GALNTL6: variants seen among roughly 807,000 people sequenced by gnomAD.
The protein encoded by GALNTL6 is polypeptide N-acetylgalactosaminyltransferase-like 6.
A neutral mutation model predicts 73.7 loss-of-function variants in GALNTL6; 46 were observed. The ratio of observed to expected loss-of-function variants is 0.62; its 90% confidence interval spans 0.49 to 0.80. The LOEUF is 0.80. Among genes scored for constraint, GALNTL6 ranks in the 30% least tolerant of loss-of-function variants. GALNTL6 has a pLI of 0.00. For synonymous variants in GALNTL6, 259 were observed against 263.7 expected (o/e 0.98, Z 0.17); for missense variants, 604 against 755.0 (o/e 0.80, Z 2.34).
intron 10 of GALNTL6, among the ~76,000 whole-genome samples, chr4:172,972,918 G>A (rs1750647463): frequency 1.3e-5 from 2 of 152,158 alleles, no homozygotes; most frequent in African/African-American, 4.8e-5. Flanking sequence ...AAAAGTCACT[G>A]GGCACCAATG....
chr4:172,200,053 T>G (rs1343234547), intron 2 of GALNTL6, among the ~76,000 whole-genome samples: 1 of 152,074 alleles, frequency 6.6e-6, no homozygotes, highest in African/African-American at 2.4e-5. Context: ...TAATTGGCAA[T>G]AAAAAATCTG....
rs529981802 is a variant in GALNTL6, at chr4:171,921,113, CT to C, written c.138+106398del. Among the ~76,000 whole-genome samples, 27 of 151,956 alleles carry C rather than the reference CT, an allele frequency of 1.8e-4. No individual in the cohort carries two copies. In the South Asian group the frequency reaches 5.6e-3, roughly 32 times the overall value. On this transcript the variant is annotated intron_variant, in intron 2 of 12. Transcript: ENST00000506823. ...AAAACTGATGAGTCATGCTTTCAGG[CT>C]TTCATGTCTATTTTTTAATGCCTTT...
chr4:171,882,742 C>T (rs1205564156), intron 2 of GALNTL6, among the ~76,000 whole-genome samples: 1 of 152,196 alleles, frequency 6.6e-6, no homozygotes, highest in Non-Finnish European at 1.5e-5. Flanking sequence ...ATTCTAGCCA[C>T]GCTGGCAGTT....
chr4:172,290,370 G>A (rs1441910646), intron 3 of GALNTL6, among the ~76,000 whole-genome samples: 1 of 152,200 alleles, frequency 6.6e-6, no homozygotes, highest in Non-Finnish European at 1.5e-5. Flanking sequence ...TTTGTGGCTA[G>A]TTCTGTAAAG....
chr4:172,083,515 T>C (rs544866382), intron 2 of GALNTL6, among the ~76,000 whole-genome samples: 12 of 152,206 alleles, frequency 7.9e-5, no homozygotes, highest in Non-Finnish European at 1.5e-4. Context: ...GGCCTTTGCA[T>C]TAACTGTATT....
intron 2 of GALNTL6, among the ~76,000 whole-genome samples, chr4:172,070,703 G>T (rs1731514719): frequency 9.1e-6 from 1 of 109,810 alleles, no homozygotes; most frequent in African/African-American, 3.4e-5. Context: ...GTCTGTGATA[G>T]TCTGTTATAG....
intron 2 of GALNTL6, among the ~76,000 whole-genome samples, chr4:172,112,680 T>A (rs544424332): frequency 6.6e-6 from 1 of 152,096 alleles, no homozygotes; most frequent in East Asian, 1.9e-4. Flanking sequence ...AATATTTGTG[T>A]TCCCCCAAAA....
At chr4:172,224,419 G>T (rs1736784267) in intron 2 of GALNTL6, among the ~76,000 whole-genome samples, 1 of 152,136 alleles carries the variant, frequency 6.6e-6, no homozygotes, top group Admixed American at 6.5e-5. Flanking sequence ...TAGGTATATG[G>T]TTGATTGTGA....
Position 172,672,274 on chromosome 4 carries a change from G to T in GALNTL6, c.554-137087G>T, listed in dbSNP as rs546260637. On this transcript the variant is annotated intron_variant, in intron 5 of 12. Transcript: ENST00000506823. ...CTCCTTCGATTGAGATAATCATGTG[G>T]TTTTTGTTTTAGTTCTGTTTATGTG... Among the ~76,000 whole-genome samples the T allele has an allele frequency of 6.1e-4, 93 of 152,300 alleles. 1 individual carries two copies. In the South Asian group the frequency reaches 0.016, roughly 26 times the overall value.
intron 5 of GALNTL6, among the ~76,000 whole-genome samples, chr4:172,779,484 A>G (rs1191913276): frequency 6.6e-6 from 1 of 152,186 alleles, no homozygotes; most frequent in African/African-American, 2.4e-5. Flanking sequence ...AGCCATGTCA[A>G]GGGAAAATTT....
intron 6 of GALNTL6, among the ~76,000 whole-genome samples, chr4:172,811,113 T>C (rs1487748600): frequency 6.6e-6 from 1 of 152,222 alleles, no homozygotes; most frequent in East Asian, 1.9e-4. Flanking sequence ...TCTATCAGTG[T>C]CTTGACACAT....
intron 2 of GALNTL6, among the ~76,000 whole-genome samples, chr4:172,097,174 A>G (rs1038548943): frequency 6.6e-6 from 1 of 152,110 alleles, no homozygotes; most frequent in Admixed American, 6.5e-5. Flanking sequence ...ACCCACTTCT[A>G]TTCTTTGTTT....
At chr4:172,981,796 C>CTTTT (rs56273122) in intron 10 of GALNTL6, among the ~76,000 whole-genome samples, 2 of 101,812 alleles carry the variant, frequency 2.0e-5, no homozygotes, top group African/African-American at 3.7e-5. Flanking sequence ...GTATGAACGT[C>CTTTT]TTTTTTTTTT....
At chr4:172,827,916 G>A (rs1262339650) in intron 7 of GALNTL6, among the ~76,000 whole-genome samples, 2 of 151,824 alleles carry the variant, frequency 1.3e-5, no homozygotes, top group Non-Finnish European at 2.9e-5. Context: ...TAAAAAATAA[G>A]CAGCCTTCTG....
Position 172,156,555 on chromosome 4 carries a change from A to ATACTATATATG in GALNTL6, c.139-73099_139-73098insCTATATATGTA, listed in dbSNP as rs1165079037. Among the ~76,000 whole-genome samples, 3 of 136,448 alleles carry ATACTATATATG rather than the reference A, an allele frequency of 2.2e-5. No individual in the cohort carries two copies. In the East Asian group the frequency reaches 6.0e-4, roughly 27 times the overall value. 89.5% of individuals were successfully genotyped at this position (136,448 alleles called of 152,430 possible). A position where few individuals can be genotyped will look rare whatever the true frequency, so the allele number is the denominator to read the frequency against. ...ATATATATATAATATATATATATATATATATATATATACATACTATATATA... is the reference window on the plus strand; with the variant it reads ...ATATATATATAATATATATATATATATACTATATATGTATATATATATACATACTATATATA... On this transcript the variant is annotated intron_variant, in intron 2 of 12. Coordinates refer to ENST00000506823, the MANE Select transcript of GALNTL6 (RefSeq NM_001034845.3).
intron 5 of GALNTL6, among the ~76,000 whole-genome samples, chr4:172,497,664 C>CA (rs1342417887): frequency 1.3e-5 from 2 of 152,150 alleles, no homozygotes; most frequent in Non-Finnish European, 2.9e-5. Context: ...AACAATTATT[C>CA]AAAAAATCCC....
chr4:172,982,532 G>A (rs1751112034), intron 10 of GALNTL6, among the ~76,000 whole-genome samples: 1 of 152,198 alleles, frequency 6.6e-6, no homozygotes, highest in African/African-American at 2.4e-5. Flanking sequence ...ATGACTGAAA[G>A]TCAGAAGAGA....
At chr4:172,822,760 T>C (rs1742009400) in intron 7 of GALNTL6, among the ~76,000 whole-genome samples, 1 of 152,322 alleles carries the variant, frequency 6.6e-6, no homozygotes, top group Middle Eastern at 3.4e-3. Context: ...ATGAATGGAT[T>C]GATGACTGTT....
intron 2 of GALNTL6, among the ~76,000 whole-genome samples, chr4:171,971,558 G>T (rs1739569239): frequency 6.6e-6 from 1 of 152,154 alleles, no homozygotes; most frequent in Admixed American, 6.5e-5. Flanking sequence ...CTATTACCAA[G>T]TGAAGAATTA....
Sources: gnomAD v4.1 joint callset for allele counts (sites outside exome capture counted in the v4.1 genomes callset) on GRCh38, gnomAD v4.1.1 for gene constraint, MANE v1.5 for transcripts, NCBI Gene and HGNC (gene_info 2026-07-23, HGNC 2026-07-21) for gene names.